The following ABCC9 variants were observed in gnomAD, a reference collection of about 807,000 sequenced individuals.
ABCC9 encodes the protein ATP-binding cassette sub-family C member 9.
In ABCC9, 95 loss-of-function variants were observed where a neutral mutation model predicts 188.3. That is an observed-to-expected ratio of 0.50 (90% CI 0.43 to 0.60). The LOEUF (loss-of-function observed/expected upper bound fraction) is 0.60. Ranked by LOEUF, ABCC9 falls within the 20% of genes least tolerant of loss-of-function variation. The pLI is 0.00. For missense variants in ABCC9, 1,102 were observed against 1,876.3 expected (o/e 0.59, Z 7.62); for synonymous variants, 659 against 652.7 (o/e 1.01, Z -0.15).
At chr12:21,825,863 A>C (rs1378155967) in intron 31 of ABCC9, among the ~76,000 whole-genome samples, 1 of 152,074 alleles carries the variant, frequency 6.6e-6, no homozygotes, top group Non-Finnish European at 1.5e-5. Context: ...AGGCGTTTCT[A>C]CTCTGGTTTC....
chr12:21,910,776 T>C (rs559906635), intron 9 of ABCC9, 50 bp downstream of exon 9: 2 of 1,520,030 alleles, frequency 1.3e-6, no homozygotes, highest in Admixed American at 3.4e-5. Context: ...TTTCACTGAA[T>C]GGTATATAGC....
At chr12:21,850,794 G>A (rs926721243) in intron 24 of ABCC9, among the ~76,000 whole-genome samples, 4 of 152,066 alleles carry the variant, frequency 2.6e-5, no homozygotes, top group East Asian at 1.9e-4. Flanking sequence ...TCCCCGGTAC[G>A]TTTAGAATCA....
intron 18 of ABCC9, among the ~76,000 whole-genome samples, chr12:21,870,090 C>T (rs1372268014): frequency 2.0e-5 from 3 of 152,066 alleles, no homozygotes; most frequent in Non-Finnish European, 2.9e-5. Flanking sequence ...TAAACCTTCA[C>T]ATAACATTTA....
At chr12:21,874,144 A>AG (rs898337979) in intron 17 of ABCC9, among the ~76,000 whole-genome samples, 1 of 151,606 alleles carries the variant, frequency 6.6e-6, no homozygotes, top group Non-Finnish European at 1.5e-5. Context: ...ATACAAAAAA[A>AG]ACTAAAACAG....
intron 5 of ABCC9, chr12:21,925,279 C>T: frequency 2.0e-6 from 1 of 488,524 alleles, no homozygotes; most frequent in Non-Finnish European, 3.6e-6. Context: ...AATTTTGACC[C>T]AAGGCAAAAA....
intron 5 of ABCC9, among the ~76,000 whole-genome samples, chr12:21,918,248 G>T (rs1451761009): frequency 1.3e-5 from 2 of 151,978 alleles, no homozygotes; most frequent in Non-Finnish European, 2.9e-5. Context: ...CCAGTTTTTA[G>T]AAAGATACAT....
chr12:21,828,001 C>T (rs11832707), intron 31 of ABCC9, among the ~76,000 whole-genome samples: 3 of 152,184 alleles, frequency 2.0e-5, no homozygotes, highest in African/African-American at 7.2e-5. Flanking sequence ...TTACCATCTT[C>T]CTTCTCTTTT....
chr12:21,935,369 A>G (rs1949445665), intron 3 of ABCC9, among the ~76,000 whole-genome samples: 1 of 152,158 alleles, frequency 6.6e-6, no homozygotes, highest in Non-Finnish European at 1.5e-5. Context: ...TTTGTTCAAC[A>G]TAACTATGTA....
At chr12:21,836,387 G>C (rs864360) in intron 30 of ABCC9, among the ~76,000 whole-genome samples, 100,091 of 152,062 alleles carry the variant, frequency 0.66, 33,201 homozygotes, top group African/African-American at 0.72. Context: ...TGTACTTAAT[G>C]TATGTTCCAA....
intron 13 of ABCC9, 57 bp from the exon 14 acceptor site, chr12:21,894,231 C>T (rs1004351594): frequency 9.4e-6 from 15 of 1,588,378 alleles, no homozygotes; most frequent in Non-Finnish European, 1.3e-5. Context: ...CACATGCGTA[C>T]ATTCAGTCCT....
chr12:21,844,694 C>T (rs1944549744), intron 27 of ABCC9, 73 bp downstream of exon 27: 2 of 1,598,022 alleles, frequency 1.3e-6, no homozygotes, highest in Middle Eastern at 1.7e-4. Flanking sequence ...CTAACTTTCA[C>T]ATTCCACTTA....
intron 39 of ABCC9, among the ~76,000 whole-genome samples, chr12:21,805,709 A>C (rs867641761): frequency 1.6e-4 from 24 of 152,216 alleles, no homozygotes; most frequent in Non-Finnish European, 2.8e-4. Context: ...TTTTATATGA[A>C]CTACCATTTT....
In ABCC9 at chr12:21,910,329, A is replaced by G. The variant is rs770681610; in HGVS notation, c.1165-17T>C. The G allele has an allele frequency of 6.3e-7, 1 of 1,580,770 alleles. No homozygotes were observed. On this transcript the variant is annotated splice_polypyrimidine_tract_variant and intron_variant, in intron 9 of 39. Transcript: ENST00000261200. ...AATCATGGCCTACCAAAAAAAAAAA[A>G]AAGAGTACATAAAGCTCTAAACTTA...
Position 21,882,640 on chromosome 12 carries a change from A to T in ABCC9, c.2019+126T>A. The T allele has an allele frequency of 3.7e-6, 3 of 814,564 alleles. No individual in the cohort carries two copies. In the Admixed American group the frequency reaches 7.4e-5, roughly 20 times the overall value. 50.5% of individuals were successfully genotyped at this position (814,564 alleles called of 1,614,324 possible). A position where few individuals can be genotyped will look rare whatever the true frequency, so the allele number is the denominator to read the frequency against. On this transcript the variant is annotated intron_variant, in intron 16 of 39. Transcript: ENST00000261200. The stretch of plus-strand genomic sequence containing the variant: ...AACTCAGAATTTTTTTTTAAATGTT[A>T]TTAGGGTTAATGACAACTGTAAAAA...
At chr12:21,933,053 G>GA (rs975762143) in intron 4 of ABCC9, among the ~76,000 whole-genome samples, 6 of 104,488 alleles carry the variant, frequency 5.7e-5, no homozygotes, top group African/African-American at 1.1e-4. Flanking sequence ...TATGCAGCCA[G>GA]AAAAAAACAA....
At chr12:21,872,149 C>G (rs1565764259) in intron 18 of ABCC9, among the ~76,000 whole-genome samples, 1 of 152,126 alleles carries the variant, frequency 6.6e-6, no homozygotes, top group Non-Finnish European at 1.5e-5. Flanking sequence ...CTAGACGCTT[C>G]TAGTATCTAG....
chr12:21,881,936 G>A (rs1166242960), intron 16 of ABCC9, among the ~76,000 whole-genome samples: 2 of 152,182 alleles, frequency 1.3e-5, no homozygotes, highest in African/African-American at 2.4e-5. Context: ...TAGTGGAAAA[G>A]GGAGGGCTAG....
chr12:21,890,678 G>A (rs1176002796), intron 14 of ABCC9, among the ~76,000 whole-genome samples: 2 of 152,204 alleles, frequency 1.3e-5, no homozygotes, highest in African/African-American at 4.8e-5. Context: ...TACGGACATG[G>A]ATGAAACTGG....
intron 4 of ABCC9, among the ~76,000 whole-genome samples, chr12:21,927,768 A>G (rs1949099137): frequency 6.6e-6 from 1 of 152,234 alleles, no homozygotes; most frequent in Non-Finnish European, 1.5e-5. Context: ...TCATTAATAT[A>G]GACATGGTAA....
Sources: allele counts gnomAD v4.1 joint callset (sites outside exome capture counted in the v4.1 genomes callset), GRCh38; gene constraint gnomAD v4.1.1; transcripts MANE v1.5; gene names NCBI Gene and HGNC (gene_info 2026-07-23, HGNC 2026-07-21).